Variants in TP63 observed in about 807,000 individuals in gnomAD.
TP63 encodes the protein tumor protein p63, also known as tumor protein 63.
Under a neutral mutation model 82.8 loss-of-function variants are expected in TP63, and 17 were observed. The ratio of observed to expected loss-of-function variants is 0.21; its 90% CI spans 0.14 to 0.31. The LOEUF (loss-of-function observed/expected upper bound fraction) is 0.31. TP63 is among the 10% of genes least tolerant of loss of function. The probability of loss-of-function intolerance (pLI) is 1.00; values close to 1 mark genes in which losing one functional copy is unlikely to be tolerated. For synonymous variants in TP63, 330 were observed against 321.7 expected, an observed-to-expected ratio of 1.03 and a Z score of -0.28; for missense variants, 648 against 895.3, an observed-to-expected ratio of 0.72 and a Z score of 3.52.
the TP63 span, among the ~76,000 whole-genome samples, chr3:189,606,025 A>G: frequency 6.6e-6 from 1 of 152,340 alleles, no homozygotes; most frequent in East Asian, 1.9e-4. Flanking sequence ...AAAATTTAAA[A>G]CAAAAATAAA....
chr3:189,806,612 C>T (rs977120972), intron 3 of TP63, among the ~76,000 whole-genome samples: 9 of 152,004 alleles, frequency 5.9e-5, no homozygotes, highest in Non-Finnish European at 8.8e-5. Context: ...CCACACCTGC[C>T]GGGAGAGAAA....
chr3:189,707,216 G>A (rs115141420), intron 1 of TP63, among the ~76,000 whole-genome samples: 2,377 of 152,138 alleles, frequency 0.016, 60 homozygotes, highest in African/African-American at 0.055. Context: ...CTATTTTTCT[G>A]TTCCTTTTCA....
At chr3:189,760,198 A>T (rs1177476119) in intron 3 of TP63, among the ~76,000 whole-genome samples, 1 of 152,110 alleles carries the variant, frequency 6.6e-6, no homozygotes, top group African/African-American at 2.4e-5. Context: ...TTTCAAAACC[A>T]ATCATGCCTT....
intron 1 of TP63, 63 bp downstream of exon 1, chr3:189,631,640 T>C (rs1729464525): frequency 6.2e-7 from 1 of 1,609,918 alleles, no homozygotes; most frequent in East Asian, 2.2e-5. Flanking sequence ...GTATTATGAA[T>C]GTGTCAGCTG....
chr3:189,641,566 T>G (rs969423632), intron 1 of TP63, among the ~76,000 whole-genome samples: 11 of 152,162 alleles, frequency 7.2e-5, no homozygotes, highest in Admixed American at 5.9e-4. Flanking sequence ...AGTTTCAATG[T>G]CTTATTCATT....
At chr3:189,722,656 G>T (rs115230361) in intron 1 of TP63, among the ~76,000 whole-genome samples, 1 of 152,194 alleles carries the variant, frequency 6.6e-6, no homozygotes, top group Non-Finnish European at 1.5e-5. Flanking sequence ...GAAAGCTCAT[G>T]TACCTTCCCC....
intron 1 of TP63, among the ~76,000 whole-genome samples, chr3:189,674,150 T>C (rs1715180683): frequency 6.6e-6 from 1 of 152,108 alleles, no homozygotes; most frequent in South Asian, 2.1e-4. Flanking sequence ...GATACACCAG[T>C]GTACATAATG....
intron 3 of TP63, among the ~76,000 whole-genome samples, chr3:189,805,716 G>A (rs1489467171): frequency 6.6e-6 from 1 of 152,190 alleles, no homozygotes; most frequent in African/African-American, 2.4e-5. Flanking sequence ...CTGAAGGCCA[G>A]TGAGTGTGCA....
chr3:189,860,477 G>T (rs1716888515), intron 4 of TP63, among the ~76,000 whole-genome samples: 1 of 152,070 alleles, frequency 6.6e-6, no homozygotes, highest in South Asian at 2.1e-4. Context: ...AAAAAATAAA[G>T]GTCATCATGG....
chr3:189,627,785 T>C (rs943548237), upstream of TP63, among the ~76,000 whole-genome samples: 1 of 151,852 alleles, frequency 6.6e-6, no homozygotes, highest in African/African-American at 2.4e-5. Flanking sequence ...GGTAATAGGG[T>C]TGTTGGAATC....
intron 3 of TP63, among the ~76,000 whole-genome samples, chr3:189,803,049 A>T (rs762644700): frequency 9.2e-5 from 14 of 152,196 alleles, no homozygotes; most frequent in Non-Finnish European, 1.5e-4. Flanking sequence ...CTTTAATCCC[A>T]ACACTTTGGG....
intron 1 of TP63, among the ~76,000 whole-genome samples, chr3:189,702,177 C>G (rs987737928): frequency 6.6e-6 from 1 of 152,094 alleles, no homozygotes; most frequent in South Asian, 2.1e-4. Flanking sequence ...CTGAGCTTCT[C>G]TAGTGGGCCT....
At chr3:189,627,469 A>G (rs763244078), upstream of TP63, among the ~76,000 whole-genome samples, 5 of 152,296 alleles carry the variant, frequency 3.3e-5, no homozygotes, top group Admixed American at 6.5e-5. Context: ...CATTTATGTG[A>G]TATTCTAGCA....
At chr3:189,829,674 G>A (rs531349053) in intron 4 of TP63, among the ~76,000 whole-genome samples, 1 of 152,260 alleles carries the variant, frequency 6.6e-6, no homozygotes, top group Admixed American at 6.5e-5. Flanking sequence ...AAAAGATTCT[G>A]GAAAGTTTGG....
intron 1 of TP63, among the ~76,000 whole-genome samples, chr3:189,656,075 A>G (rs1713326474): frequency 6.6e-6 from 1 of 152,214 alleles, no homozygotes; most frequent in Non-Finnish European, 1.5e-5. Flanking sequence ...ATAATAATTG[A>G]GAATAAACAA....
At chr3:189,765,581 C>T (rs537223333) in intron 3 of TP63, among the ~76,000 whole-genome samples, 3 of 151,544 alleles carry the variant, frequency 2.0e-5, no homozygotes, top group Non-Finnish European at 4.4e-5. Flanking sequence ...TACAGGTGCC[C>T]ACCAAACATT....
At chr3:189,664,918 C>T (rs1174567829) in intron 1 of TP63, among the ~76,000 whole-genome samples, 1 of 152,082 alleles carries the variant, frequency 6.6e-6, no homozygotes, top group African/African-American at 2.4e-5. Context: ...TAGCTTGTAC[C>T]TGCTCATACC....
intron 1 of TP63, among the ~76,000 whole-genome samples, chr3:189,717,660 C>T (rs1190926933): frequency 1.3e-5 from 2 of 152,184 alleles, no homozygotes; most frequent in Admixed American, 1.3e-4. Flanking sequence ...CAAAAGTAAT[C>T]ATGCTTGTTC....
intron 3 of TP63, among the ~76,000 whole-genome samples, chr3:189,774,510 A>C (rs545423665): frequency 1.3e-5 from 2 of 152,172 alleles, no homozygotes; most frequent in Non-Finnish European, 1.5e-5. Flanking sequence ...CTGTGTTTGA[A>C]GGGGGCCTTG....
Sources: allele counts gnomAD v4.1 joint callset (sites outside exome capture counted in the v4.1 genomes callset), GRCh38; gene constraint gnomAD v4.1.1; transcripts MANE v1.5; gene names NCBI Gene and HGNC (gene_info 2026-07-23, HGNC 2026-07-21).